The following PDE1C variants were observed in gnomAD, a reference collection of about 807,000 sequenced individuals.
PDE1C encodes the protein phosphodiesterase 1C.
PDE1C carries 62 observed loss-of-function variants against 93.1 expected under a neutral mutation model. The ratio of observed to expected loss-of-function variants is 0.67; its 90% confidence interval spans 0.54 to 0.82. PDE1C has a LOEUF of 0.82. PDE1C is among the 40% of genes least tolerant of loss of function. The probability of loss-of-function intolerance (pLI) is 0.00; values close to 1 mark genes in which losing one functional copy is unlikely to be tolerated. For missense variants in PDE1C, 742 were observed against 884.6 expected, an observed-to-expected ratio of 0.84 and a Z score of 2.04; for synonymous variants, 325 against 310.1, an observed-to-expected ratio of 1.05 and a Z score of -0.50.
At chr7:31,899,831 G>A (rs909378363) in intron 2 of PDE1C, among the ~76,000 whole-genome samples, 3 of 152,130 alleles carry the variant, frequency 2.0e-5, no homozygotes, top group Admixed American at 6.5e-5. Context: ...TCATGGTAAG[G>A]GAGTGATTCT....
chr7:32,168,665 C>T (rs1298675813), intron 3 of PDE1C, among the ~76,000 whole-genome samples: 5 of 152,108 alleles, frequency 3.3e-5, no homozygotes, highest in African/African-American at 1.2e-4. Flanking sequence ...ATGCAATAAC[C>T]AAGCCCTTAG....
At chr7:32,026,373 T>C (rs1247265738) in intron 2 of PDE1C, among the ~76,000 whole-genome samples, 1 of 152,132 alleles carries the variant, frequency 6.6e-6, no homozygotes, top group Admixed American at 6.6e-5. Context: ...ACAGAAGACA[T>C]TCACTGTCGA....
At position 31,758,828 on chromosome 7, in the gene PDE1C, C is replaced by T. The variant is rs73686946; in HGVS notation, c.1961-5275G>A. 5.4e-3 allele frequency among the ~76,000 whole-genome samples: 822 copies of T among 152,232 alleles called. 8 individuals are homozygous for T. Among genetic ancestry groups the T allele is most frequent in the African/African-American group, 0.019 (781 of 41,518 alleles). On this transcript the variant is annotated intron_variant, in intron 17 of 17. Transcript: ENST00000396191. ...ATGGTGTAGAAAGGGGAGAGGGCTTCAGCTTAAAAGCAGATTGTTGCAATG... is the reference window on the plus strand; with the variant it reads ...ATGGTGTAGAAAGGGGAGAGGGCTTTAGCTTAAAAGCAGATTGTTGCAATG...
the PDE1C span, among the ~76,000 whole-genome samples, chr7:31,623,057 G>T: frequency 6.6e-6 from 1 of 152,182 alleles, no homozygotes; most frequent in African/African-American, 2.4e-5. Flanking sequence ...AAACCAGGAA[G>T]AAGTTGAATC....
chr7:31,927,270 C>G (rs1349420545), intron 2 of PDE1C, among the ~76,000 whole-genome samples: 1 of 152,206 alleles, frequency 6.6e-6, no homozygotes, highest in African/African-American at 2.4e-5. Flanking sequence ...GGCAGGACAT[C>G]TCTGAAAGAA....
chr7:31,625,142 T>C, the PDE1C span, among the ~76,000 whole-genome samples: 8 of 152,090 alleles, frequency 5.3e-5, 1 homozygote, highest in African/African-American at 2.4e-5. Flanking sequence ...GGAGAGGATG[T>C]GGAGAAATAG....
At chr7:31,717,174 A>C in the PDE1C span, among the ~76,000 whole-genome samples, 5 of 152,232 alleles carry the variant, frequency 3.3e-5, no homozygotes, top group Non-Finnish European at 5.9e-5. Flanking sequence ...AAACACTTCA[A>C]TTCTCAATGC....
At chr7:32,206,017 A>T (rs1057144230) in intron 2 of PDE1C, among the ~76,000 whole-genome samples, 1 of 152,174 alleles carries the variant, frequency 6.6e-6, no homozygotes, top group Non-Finnish European at 1.5e-5. Context: ...GAAGAAACCG[A>T]TTCTAGACGC....
At chr7:31,985,728 A>G (rs1783307250) in intron 2 of PDE1C, among the ~76,000 whole-genome samples, 1 of 151,758 alleles carries the variant, frequency 6.6e-6, no homozygotes, top group Non-Finnish European at 1.5e-5. Flanking sequence ...AGCTTCATCT[A>G]TGTCCCTGCA....
intron 3 of PDE1C, among the ~76,000 whole-genome samples, chr7:32,149,767 G>A (rs969610048): frequency 1.3e-5 from 2 of 152,100 alleles, no homozygotes; most frequent in Non-Finnish European, 2.9e-5. Flanking sequence ...AACAATGAGT[G>A]GCATTTTCTC....
the PDE1C span, among the ~76,000 whole-genome samples, chr7:31,684,441 T>C: frequency 6.6e-6 from 1 of 152,190 alleles, no homozygotes; most frequent in African/African-American, 2.4e-5. Context: ...ATTTAAAAGC[T>C]ATGCTTTGTG....
chr7:31,989,184 GACTTT>G (rs1276709743), intron 2 of PDE1C, among the ~76,000 whole-genome samples: 2 of 151,958 alleles, frequency 1.3e-5, no homozygotes, highest in Non-Finnish European at 2.9e-5. Context: ...TGATATTTTG[GACTTT>G]ACTTATATTT....
At chr7:31,883,145 G>T (rs1797449954) in intron 2 of PDE1C, among the ~76,000 whole-genome samples, 1 of 152,026 alleles carries the variant, frequency 6.6e-6, no homozygotes, top group Non-Finnish European at 1.5e-5. Context: ...GAATAATATG[G>T]GAAACTTCAA....
At chr7:31,954,541 T>C (rs1271981423) in intron 2 of PDE1C, among the ~76,000 whole-genome samples, 1 of 152,240 alleles carries the variant, frequency 6.6e-6, no homozygotes, top group African/African-American at 2.4e-5. Context: ...TCTATTCCTC[T>C]ATAACTAACA....
chr7:31,982,694 A>T (rs373129084), intron 2 of PDE1C, among the ~76,000 whole-genome samples: 1 of 152,336 alleles, frequency 6.6e-6, no homozygotes, highest in East Asian at 1.9e-4. Flanking sequence ...CCAACTCACT[A>T]TAACAATTGT....
chr7:31,643,709 C>A, the PDE1C span: 2 of 1,614,068 alleles, frequency 1.2e-6, no homozygotes, highest in Middle Eastern at 1.7e-4. Context: ...CAGCCCCTCA[C>A]CAAATCCGTC....
intron 1 of PDE1C, among the ~76,000 whole-genome samples, chr7:32,344,959 T>A (rs1406036062): frequency 6.6e-6 from 1 of 152,158 alleles, no homozygotes; most frequent in Non-Finnish European, 1.5e-5. Flanking sequence ...GCATCTATCA[T>A]CCCACTTGCA....
At chr7:31,750,076 T>C (rs1055562495), downstream of PDE1C, among the ~76,000 whole-genome samples, 10 of 152,180 alleles carry the variant, frequency 6.6e-5, no homozygotes, top group Admixed American at 6.5e-4. Context: ...TGCTGTGCTA[T>C]CATCCTAAAC....
At chr7:32,297,162 A>T (rs1189353581) in intron 1 of PDE1C, among the ~76,000 whole-genome samples, 1 of 152,140 alleles carries the variant, frequency 6.6e-6, no homozygotes. Flanking sequence ...AGGATTTGGT[A>T]CGTTTGGAGA....
Sources: allele counts gnomAD v4.1 joint callset (sites outside exome capture counted in the v4.1 genomes callset), GRCh38; gene constraint gnomAD v4.1.1; transcripts MANE v1.5; gene names NCBI Gene and HGNC (gene_info 2026-07-23, HGNC 2026-07-21).